The following DOK7 variants were observed in gnomAD, a reference collection of about 807,000 sequenced individuals.
DOK7 encodes the protein docking protein 7.
A neutral mutation model predicts 30.7 loss-of-function variants in DOK7; 32 were observed. The observed-to-expected ratio is 1.04, with a 90% CI of 0.79 to 1.40. The LOEUF (loss-of-function observed/expected upper bound fraction) is 1.40. DOK7 is among the 40% of genes most tolerant of loss of function. The pLI, the probability that DOK7 is intolerant of heterozygous loss-of-function variation, is 0.00. For synonymous variants in DOK7, 447 were observed against 324.1 expected, an observed-to-expected ratio of 1.38 and a Z score of -4.07; for missense variants, 1,007 against 699.2, an observed-to-expected ratio of 1.44 and a Z score of -4.97.
At chr4:3,491,382 G>GTTCATTCCTTCCTTCTCCCCCTGCTCA (rs149476084) in intron 6 of DOK7, among the ~76,000 whole-genome samples, 25,914 of 93,652 alleles carry the variant, frequency 0.28, 3,229 homozygotes, top group East Asian at 0.64. Flanking sequence ...CCCCCTGCTC[G>GTTCATTCCTTCCTTCTCCCCCTGCTCA]TTCATTCCTT....
intron 2 of DOK7, among the ~76,000 whole-genome samples, chr4:3,465,780 G>A (rs1042914406): frequency 1.3e-5 from 2 of 152,214 alleles, no homozygotes; most frequent in Non-Finnish European, 2.9e-5. Context: ...TCTCCACCGC[G>A]TCCTCACTGC....
rs1225092197 is a variant in DOK7, at chr4:3,473,344, G to A, written c.101-62G>A. 1.4e-5 allele frequency: 22 copies of A among 1,555,430 alleles called. No homozygotes were observed. The East Asian group carries it at 4.6e-4, about 33-fold the overall frequency. On this transcript the variant is annotated intron_variant, in intron 2 of 6. Coordinates refer to ENST00000340083, the MANE Select transcript of DOK7 (RefSeq NM_173660.5). ...CTCTGCACTGTCACGGCCTCCCCGG[G>A]GACGCCAAGGGTGCGGGCAGGCGGT...
intron 6 of DOK7, among the ~76,000 whole-genome samples, 192 bp downstream of exon 6, chr4:3,489,988 C>G (rs1728099379): frequency 7.6e-6 from 1 of 131,052 alleles, no homozygotes; most frequent in African/African-American, 3.1e-5. Context: ...TCCTTCCCCA[C>G]CACCCTGCTC....
At chr4:3,491,865 G>A (rs1253141401) in intron 6 of DOK7, among the ~76,000 whole-genome samples, 1 of 152,224 alleles carries the variant, frequency 6.6e-6, no homozygotes, top group African/African-American at 2.4e-5. Context: ...GCTCCCCGAA[G>A]GGTGGCTGCA....
intron 6 of DOK7, among the ~76,000 whole-genome samples, chr4:3,492,157 T>TGGCAGGCGGGA (rs895785423): frequency 2.6e-5 from 4 of 152,100 alleles, no homozygotes; most frequent in Non-Finnish European, 5.9e-5. Flanking sequence ...GGGCCTGGCC[T>TGGCAGGCGGGA]GGCAGGCGGG....
rs776915355 is a variant in DOK7, at chr4:3,501,041, G to C, written c.*216G>C. 3 of 714,712 alleles carry C rather than the reference G, an allele frequency of 4.2e-6. No homozygotes were observed. In the African/African-American group the frequency reaches 5.5e-5, roughly 13 times the overall value. 44.3% of individuals were successfully genotyped at this position (714,712 alleles called of 1,614,324 possible). ...CACAGGTGTCCGGGGCTGACCCTTC[G>C]GCCTGAAAGAGTTGCTCTGGACCCC... On this transcript the variant is annotated 3_prime_UTR_variant, in exon 8 of 8. Transcript: ENST00000643608.
intron 6 of DOK7, among the ~76,000 whole-genome samples, chr4:3,490,082 A>ACCCCCTCATTCATTCCTTTCTTCG (rs1728121807): frequency 1.5e-5 from 1 of 67,008 alleles, no homozygotes; most frequent in African/African-American, 5.7e-5. Context: ...TCCTTTCTTC[A>ACCCCCTCATTCATTCCTTTCTTCG]CCCCCTCATT....
At chr4:3,483,572 G>C (rs539564326) in intron 4 of DOK7, among the ~76,000 whole-genome samples, 1 of 152,244 alleles carries the variant, frequency 6.6e-6, no homozygotes, top group African/African-American at 2.4e-5. Context: ...GGCCTTGCCC[G>C]GTTGACCGTG....
chr4:3,485,221 C>T, intron 4 of DOK7: 1 of 290,934 alleles, frequency 3.4e-6, no homozygotes, highest in East Asian at 6.0e-5. Context: ...CTCCCCATGC[C>T]CTGTCGGCTG....
chr4:3,487,691 G>A lies in DOK7; in HGVS notation c.653-1986G>A, dbSNP rs542070882. Among the ~76,000 whole-genome samples, 12 of 152,326 alleles carry A rather than the reference G, an allele frequency of 7.9e-5. No homozygotes were observed. In the East Asian group the frequency reaches 2.3e-3, roughly 29 times the overall value. ...GTGAGAGGCTCAGGGGGCGTGTGGT[G>A]GAGCTGGGAGTCGATCCGTGTCTTG... On this transcript the variant is annotated intron_variant, in intron 5 of 6. Coordinates refer to ENST00000340083, the MANE Select transcript of DOK7 (RefSeq NM_173660.5).
intron 4 of DOK7, among the ~76,000 whole-genome samples, chr4:3,481,012 G>A (rs909423776): frequency 1.3e-5 from 2 of 152,142 alleles, no homozygotes; most frequent in East Asian, 1.9e-4. Context: ...AGGGTAAGGG[G>A]TGGAGGGGGG....
chr4:3,470,534 C>T (rs186126245), intron 2 of DOK7, among the ~76,000 whole-genome samples: 12 of 152,296 alleles, frequency 7.9e-5, no homozygotes, highest in South Asian at 6.2e-4. Flanking sequence ...GTTCAGCATG[C>T]GCCCCACCAC....
chr4:3,463,580 CGCGGGGGTA>C, intron 2 of DOK7, 29 bp downstream of exon 2: 1 of 1,455,330 alleles, frequency 6.9e-7, no homozygotes, highest in Non-Finnish European at 9.2e-7. Context: ...GGACGGGGGG[CGCGGGGGTA>C]GCGACACGGG....
chr4:3,463,538 G>A lies in DOK7; in HGVS notation c.87G>A (p.Pro29=), dbSNP rs1366814911. ...WKSRWLVLRK[P]SPVADCLLML... ...GTAGGTGGCTGGTGCTGCGGAAGCC[G>A]TCGCCCGTGGCAGGTGAGCGGGGCG... is the stretch of plus-strand genomic sequence containing the variant. Residue 29 remains proline (P), a synonymous_variant, in exon 2 of 7, where the codon CCG becomes CCA. Coordinates refer to ENST00000340083, the MANE Select transcript of DOK7 (RefSeq NM_173660.5). 4 of 1,512,666 alleles carry A rather than the reference G, an allele frequency of 2.6e-6. No homozygotes were observed. The highest frequency in any genetic ancestry group is 1.4e-5 in the African/African-American group (1 of 70,390). 93.7% of individuals were successfully genotyped at this position (1,512,666 alleles called of 1,614,324 possible). A position where few individuals can be genotyped will look rare whatever the true frequency, so the allele number is the denominator to read the frequency against.
Position 3,492,886 on chromosome 4 carries a change from A to C in DOK7, c.900A>C (p.Arg300Ser), listed in dbSNP as rs778066506. 6 of 1,598,216 alleles carry C rather than the reference A, an allele frequency of 3.8e-6. No homozygotes were observed. Among genetic ancestry groups the C allele is most frequent in the South Asian group, 2.2e-5 (2 of 89,170 alleles). ...SSASTSQEGP[R>S]PAAAQAAGEA... is the part of the protein sequence containing the mutation. Reference sequence around the variant, plus strand: ...CCAGCACGTCACAGGAGGGGCCTAGACCAGCAGCTGCCCAGGCCGCCGGGG... The same window carrying C: ...CCAGCACGTCACAGGAGGGGCCTAGCCCAGCAGCTGCCCAGGCCGCCGGGG... The change falls in exon 7 of 7, where the codon AGA becomes AGC. Residue 300 changes from arginine to serine, a missense_variant. Coordinates refer to ENST00000340083, the MANE Select transcript of DOK7 (RefSeq NM_173660.5).
At chr4:3,463,485 C>T (rs1341982041) in intron 1 of DOK7, 21 bp from the exon 2 acceptor site, 6 of 1,476,390 alleles carry the variant, frequency 4.1e-6, no homozygotes, top group African/African-American at 1.5e-5. Context: ...CGGCGGCTCA[C>T]GCTCCCCCCT....
At position 3,500,840 on chromosome 4, in the gene DOK7, G is replaced by A. The variant is rs1338914826; in HGVS notation, c.*15G>A. On this transcript the variant is annotated 3_prime_UTR_variant, in exon 8 of 8. Coordinates refer to the DOK7 transcript ENST00000643608. ...CCCCGCAGTGAGGTCACAGCGCCAG[G>A]AGCTGACCGCAAACCCGGTGCGCTG... 8 of 1,523,436 alleles carry A rather than the reference G, an allele frequency of 5.3e-6. No homozygotes were observed. The East Asian group carries it at 1.2e-4, about 23-fold the overall frequency. 94.4% of individuals were successfully genotyped at this position (1,523,436 alleles called of 1,614,324 possible).
In DOK7 at chr4:3,474,779, G is replaced by A. The variant is rs113337655; in HGVS notation, c.331+1143G>A. On this transcript the variant is annotated intron_variant, in intron 3 of 6. Transcript: ENST00000340083. The stretch of plus-strand genomic sequence containing the variant: ...AGAGGTTGCAATGAGCTGAGATCGC[G>A]CCATTGCACTCCAGCCTGGGCAACA... Among the ~76,000 whole-genome samples the A allele has an allele frequency of 8.0e-4, 122 of 151,962 alleles. 2 individuals carry two copies. The highest frequency in any genetic ancestry group is 2.8e-3 in the African/African-American group (116 of 41,422).
intron 2 of DOK7, among the ~76,000 whole-genome samples, chr4:3,466,614 C>T (rs868823604): frequency 9.9e-5 from 15 of 152,194 alleles, no homozygotes; most frequent in Middle Eastern, 3.2e-3. Context: ...AAGAACAGGG[C>T]GACCTTCCCT....
Sources: allele counts gnomAD v4.1 joint callset (sites outside exome capture counted in the v4.1 genomes callset), GRCh38; gene constraint gnomAD v4.1.1; transcripts MANE v1.5; gene names NCBI Gene and HGNC (gene_info 2026-07-23, HGNC 2026-07-21).